CUX1: variants seen among roughly 807,000 people sequenced by gnomAD.
CUX1 encodes the protein cut like homeobox 1.
CUX1 carries 31 observed loss-of-function variants against 158.8 expected under a neutral mutation model. The ratio of observed to expected loss-of-function variants is 0.20; its 90% CI spans 0.15 to 0.26. The LOEUF (loss-of-function observed/expected upper bound fraction) is 0.26. Ranked by LOEUF, CUX1 falls within the 10% of genes least tolerant of loss-of-function variation. The pLI is 1.00. For missense variants in CUX1, 1,589 were observed against 2,014.6 expected (o/e 0.79, Z 4.04); for synonymous variants, 879 against 862.1 (o/e 1.02, Z -0.34).
chr7:102,189,914 A>C (rs1554516520), intron 12 of CUX1, 43 bp downstream of exon 12: 15 of 1,600,046 alleles, frequency 9.4e-6, no homozygotes, highest in South Asian at 2.2e-5. Context: ...GCTGGGGCGC[A>C]TTAGGGCCAT....
intron 1 of CUX1, among the ~76,000 whole-genome samples, chr7:101,844,694 C>T (rs1461559781): frequency 6.6e-6 from 1 of 152,172 alleles, no homozygotes; most frequent in Non-Finnish European, 1.5e-5. Context: ...TGGCTCACTG[C>T]AACCTCCGCC....
At chr7:102,239,207 G>GCAAAA in intron 22 of CUX1, 113 bp from the exon 23 acceptor site, 1 of 1,247,600 alleles carries the variant, frequency 8.0e-7, no homozygotes, top group Non-Finnish European at 1.1e-6. Flanking sequence ...GTTTTGAGAT[G>GCAAAA]CTCTATGCAA....
At chr7:102,152,703 T>C (rs541161352) in intron 8 of CUX1, among the ~76,000 whole-genome samples, 46 of 152,324 alleles carry the variant, frequency 3.0e-4, no homozygotes, top group Middle Eastern at 6.8e-3. Context: ...ACTTTTAAAA[T>C]AATAATCAGA....
rs527490292 is a variant in CUX1 at position 102,042,870 on chromosome 7, G to A, written c.189+14725G>A. Reference sequence around the variant, plus strand: ...AGTGGCATAATCAGGGCTCACTGCAGCCTTGACCTCCCGGGCTCAAGCAAT... The same window carrying A: ...AGTGGCATAATCAGGGCTCACTGCAACCTTGACCTCCCGGGCTCAAGCAAT... On this transcript the variant is annotated intron_variant, in intron 3 of 23. Transcript: ENST00000292535. Among the ~76,000 whole-genome samples the A allele has an allele frequency of 1.2e-3, 190 of 152,144 alleles. 1 individual carries two copies. The highest frequency in any genetic ancestry group is 1.7e-3 in the Non-Finnish European group (114 of 68,006).
At chr7:102,230,057 G>C (rs141370192) in intron 21 of CUX1, among the ~76,000 whole-genome samples, 21 of 152,322 alleles carry the variant, frequency 1.4e-4, no homozygotes, top group African/African-American at 4.1e-4. Context: ...GTCAGTTAAA[G>C]GGGCAGTGTT....
At chr7:101,960,893 C>T (rs1810392051) in intron 2 of CUX1, 1 of 152,138 alleles carries the variant, frequency 6.6e-6, no homozygotes. Flanking sequence ...TGCCAGTGCC[C>T]TGTGATTAGA....
intron 3 of CUX1, among the ~76,000 whole-genome samples, chr7:102,063,520 C>G (rs1160725795): frequency 6.6e-6 from 1 of 151,090 alleles, no homozygotes; most frequent in Non-Finnish European, 1.5e-5. Context: ...TCCCAAGTAG[C>G]TGGAATTACA....
chr7:102,273,548 C>T (rs1554546881), intron 15 of CUX1: 9 of 1,560,352 alleles, frequency 5.8e-6, no homozygotes, highest in Non-Finnish European at 7.0e-6. Context: ...ACTGACTTAG[C>T]CTCTGCAAAC....
At chr7:102,216,580 T>TCTCCCACACACA (rs1797116978) in intron 20 of CUX1, among the ~76,000 whole-genome samples, 1 of 11,914 alleles carries the variant, frequency 8.4e-5, no homozygotes, top group African/African-American at 1.9e-4. Flanking sequence ...ACACACACAC[T>TCTCCCACACACA]CTCCCACACA....
At chr7:102,176,600 T>C (rs1285186679) in intron 10 of CUX1, among the ~76,000 whole-genome samples, 6 of 121,766 alleles carry the variant, frequency 4.9e-5, no homozygotes, top group Admixed American at 3.3e-4. Context: ...TGACACAGAG[T>C]CGCTCTGTCA....
chr7:101,852,196 G>T (rs572694423), intron 1 of CUX1, among the ~76,000 whole-genome samples: 1 of 151,950 alleles, frequency 6.6e-6, no homozygotes, highest in Non-Finnish European at 1.5e-5. Context: ...CAACCTTCCA[G>T]TCTTTCTAAA....
downstream of CUX1, among the ~76,000 whole-genome samples, chr7:102,263,020 T>G (rs1423933500): frequency 6.6e-6 from 1 of 150,992 alleles, no homozygotes; most frequent in Non-Finnish European, 1.5e-5. Context: ...ACTTTTTTTT[T>G]TTTTTTTTTT....
At chr7:101,958,381 C>T (rs1186432267) in intron 2 of CUX1, among the ~76,000 whole-genome samples, 1 of 151,738 alleles carries the variant, frequency 6.6e-6, no homozygotes, top group Non-Finnish European at 1.5e-5. Flanking sequence ...GCAGCAGCAG[C>T]AGCAGCAGCA....
In CUX1 at chr7:102,253,291, TGGCCAG is replaced by T. The variant is rs1801719998; in HGVS notation, c.*4256_*4261del. On this transcript the variant is annotated 3_prime_UTR_variant, in exon 24 of 24. Transcript: ENST00000292535. ...AGCTCTCATACCCCATCTCCCTCCT[TGGCCAG>T]GGCCAGCATCAGGCGTGCAGCTCAT... is the stretch of plus-strand genomic sequence containing the variant. 1.0e-6 allele frequency: 1 copy of T among 985,578 alleles called. No individual in the cohort carries two copies. Among genetic ancestry groups the T allele is most frequent in the Non-Finnish European group, 1.2e-6 (1 of 830,048 alleles). The allele number at this position is 985,578 out of a possible 1,614,324, so 61.1% of individuals were successfully genotyped here.
chr7:102,260,453 C>T (rs1303564797), downstream of CUX1, among the ~76,000 whole-genome samples: 2 of 28,560 alleles, frequency 7.0e-5, no homozygotes, highest in Admixed American at 8.0e-4. Flanking sequence ...GTCACCCAGG[C>T]TGGAGTGCAA....
rs1235465019 is a variant in CUX1 at position 102,229,182 on chromosome 7, G to C, written c.3433+1513G>C. On this transcript the variant is annotated intron_variant, in intron 21 of 23. Coordinates refer to ENST00000292535, the MANE Select transcript of CUX1 (RefSeq NM_181552.4). ...CACCCTGGCATCCCACCGTGCCTCA[G>C]ACCTGGCCTCGGCCTGGCACATGCT... Among the ~76,000 whole-genome samples, 3 of 152,266 alleles carry C rather than the reference G, an allele frequency of 2.0e-5. No individual in the cohort carries two copies. In the South Asian group the frequency reaches 6.2e-4, roughly 32 times the overall value.
chr7:101,954,458 C>T (rs1380711417), intron 2 of CUX1, among the ~76,000 whole-genome samples: 3 of 152,182 alleles, frequency 2.0e-5, no homozygotes, highest in South Asian at 2.1e-4. Flanking sequence ...TGGTGCCTAG[C>T]GTCTTTTGTA....
At chr7:101,979,900 C>T (rs1001189450) in intron 2 of CUX1, among the ~76,000 whole-genome samples, 2 of 152,222 alleles carry the variant, frequency 1.3e-5, no homozygotes, top group African/African-American at 2.4e-5. Context: ...GTGATCCACC[C>T]GCCTTGGCCT....
chr7:101,861,078 G>A (rs182831393), intron 1 of CUX1, among the ~76,000 whole-genome samples: 355 of 152,208 alleles, frequency 2.3e-3, no homozygotes, highest in Non-Finnish European at 2.9e-3. Context: ...CACTGCACCC[G>A]GCCTGCACTA....
Sources: gnomAD v4.1 joint callset for allele counts (sites outside exome capture counted in the v4.1 genomes callset) on GRCh38, gnomAD v4.1.1 for gene constraint, MANE v1.5 for transcripts, NCBI Gene and HGNC (gene_info 2026-07-23, HGNC 2026-07-21) for gene names.